Variants in EXT1 observed in about 807,000 individuals in gnomAD.
EXT1 encodes the protein exostosin glycosyltransferase 1, also known as exostosin-1.
EXT1 carries 20 observed loss-of-function variants against 82.5 expected under a neutral mutation model. The ratio of observed to expected loss-of-function variants is 0.24; its 90% CI spans 0.17 to 0.35. The LOEUF (loss-of-function observed/expected upper bound fraction) is 0.35, where lower values mean the gene tolerates loss of function less well. EXT1 is among the 10% of genes least tolerant of loss of function. The pLI, the probability that EXT1 is intolerant of heterozygous loss-of-function variation, is 1.00. For missense variants in EXT1, 757 were observed against 936.5 expected, an observed-to-expected ratio of 0.81 and a Z score of 2.50; for synonymous variants, 348 against 350.8, an observed-to-expected ratio of 0.99 and a Z score of 0.09.
intron 3 of EXT1, among the ~76,000 whole-genome samples, chr8:117,830,796 G>A (rs1054671357): frequency 3.9e-5 from 6 of 152,198 alleles, no homozygotes; most frequent in African/African-American, 1.4e-4. Context: ...GGACTTTTTA[G>A]AGAATGTCTA....
At position 118,064,007 on chromosome 8, in the gene EXT1, T is replaced by C. The variant is rs1231998015; in HGVS notation, c.962+46078A>G. Among the ~76,000 whole-genome samples, 3 of 152,074 alleles carry C rather than the reference T, an allele frequency of 2.0e-5. No individual in the cohort carries two copies. In the East Asian group the frequency reaches 5.8e-4, roughly 29 times the overall value. On this transcript the variant is annotated intron_variant, in intron 1 of 10. Transcript: ENST00000378204. ...TCAGCCGCCCGAGTAGGTGGTATTA[T>C]AGACATGTGCCACCATGCCCAGCTA...
chr8:117,887,777 T>C (rs1323536360), intron 1 of EXT1, among the ~76,000 whole-genome samples: 1 of 152,116 alleles, frequency 6.6e-6, no homozygotes, highest in Non-Finnish European at 1.5e-5. Context: ...ATAAGACTAT[T>C]ATATTTAAAT....
chr8:117,926,915 A>G (rs925813480), intron 1 of EXT1, among the ~76,000 whole-genome samples: 8 of 152,216 alleles, frequency 5.3e-5, no homozygotes, highest in African/African-American at 1.9e-4. Flanking sequence ...AACTAGCAAC[A>G]AAAGCCTTGA....
intron 1 of EXT1, among the ~76,000 whole-genome samples, chr8:117,958,464 AC>A (rs1814632863): frequency 6.6e-6 from 1 of 152,310 alleles, no homozygotes; most frequent in East Asian, 1.9e-4. Context: ...AACACCAAAA[AC>A]AATTGGATAA....
chr8:117,962,569 T>G (rs1382357445), intron 1 of EXT1, among the ~76,000 whole-genome samples: 1 of 152,030 alleles, frequency 6.6e-6, no homozygotes, highest in Non-Finnish European at 1.5e-5. Flanking sequence ...CTGGCCAACA[T>G]GGTGAAACGC....
intron 1 of EXT1, among the ~76,000 whole-genome samples, chr8:118,060,242 C>G (rs928948580): frequency 1.3e-5 from 2 of 152,176 alleles, no homozygotes; most frequent in African/African-American, 4.8e-5. Context: ...ATCCATTTAT[C>G]AACACATCTT....
At chr8:117,820,578 A>AC (rs11422284) in intron 5 of EXT1, among the ~76,000 whole-genome samples, 74,187 of 151,776 alleles carry the variant, frequency 0.49, 18,955 homozygotes, top group Admixed American at 0.59. Flanking sequence ...AGTCCCAGTT[A>AC]TCGGGAGGCT....
intron 1 of EXT1, among the ~76,000 whole-genome samples, chr8:118,088,236 TGAGAA>T (rs1251515355): frequency 1.3e-5 from 2 of 152,054 alleles, no homozygotes; most frequent in African/African-American, 4.8e-5. Flanking sequence ...AACTTGGAAG[TGAGAA>T]AACAAAACAA....
Position 117,835,570 on chromosome 8 carries a change from T to G in EXT1, c.1057-19A>C, listed in dbSNP as rs752492815. On this transcript the variant is annotated intron_variant, in intron 2 of 10. Transcript: ENST00000378204. ...AGGCAGCCTGAGCAAAAAAGGGGAC[T>G]TCGTGAATGTGAGGAAAGCGACAGC... is the stretch of plus-strand genomic sequence containing the variant. 1.3e-6 allele frequency: 2 copies of G among 1,574,868 alleles called. No individual in the cohort carries two copies. Among genetic ancestry groups the G allele is most frequent in the East Asian group, 2.2e-5 (1 of 44,726 alleles).
chr8:117,878,829 G>A (rs984304210), intron 1 of EXT1, among the ~76,000 whole-genome samples: 4 of 152,176 alleles, frequency 2.6e-5, no homozygotes, highest in African/African-American at 7.2e-5. Flanking sequence ...ATGCCAGTGG[G>A]CTGTGTTGCA....
Position 117,818,549 on chromosome 8 carries a change from A to C in EXT1, c.1537-19T>G. Reference sequence around the variant, plus strand: ...CTATGATCTGAAAGGGATGGGGCTCATTAGATGGCTGGGGTAGGATGTATT... The same window carrying C: ...CTATGATCTGAAAGGGATGGGGCTCCTTAGATGGCTGGGGTAGGATGTATT... On this transcript the variant is annotated intron_variant, in intron 6 of 10. Transcript: ENST00000378204. 3.1e-6 allele frequency: 5 copies of C among 1,589,222 alleles called. No homozygotes were observed. The highest frequency in any genetic ancestry group is 3.5e-6 in the Non-Finnish European group (4 of 1,157,360).
intron 1 of EXT1, among the ~76,000 whole-genome samples, chr8:117,837,891 G>A (rs1246502210): frequency 6.6e-6 from 1 of 151,770 alleles, no homozygotes; most frequent in Non-Finnish European, 1.5e-5. Flanking sequence ...AGGGGGTACA[G>A]GAAACTGGTC....
intron 1 of EXT1, among the ~76,000 whole-genome samples, chr8:117,954,524 C>T (rs1814552233): frequency 6.6e-6 from 1 of 152,152 alleles, no homozygotes; most frequent in African/African-American, 2.4e-5. Flanking sequence ...CCACTCTATT[C>T]GTTGTTATTT....
intron 1 of EXT1, among the ~76,000 whole-genome samples, chr8:118,037,926 C>A (rs1050411982): frequency 2.0e-5 from 3 of 150,810 alleles, no homozygotes; most frequent in Non-Finnish European, 2.9e-5. Context: ...CTGCAACCTC[C>A]GCCTCCCGAG....
In EXT1 at chr8:117,799,901, G is replaced by C; in HGVS notation, c.2056-4C>G. On this transcript the variant is annotated splice_polypyrimidine_tract_variant and splice_region_variant and intron_variant, in intron 10 of 10. Coordinates refer to ENST00000378204, the MANE Select transcript of EXT1 (RefSeq NM_000127.3). ...CCCAACGGGAAGCCCGAGAAGTCTA[G>C]GGAGAAGGAGAGAAACAAGGATAAT... is the stretch of plus-strand genomic sequence containing the variant. The C allele has an allele frequency of 3.1e-6, 5 of 1,613,808 alleles. No individual in the cohort carries two copies. Among genetic ancestry groups the C allele is most frequent in the Non-Finnish European group, 4.2e-6 (5 of 1,179,998 alleles).
At chr8:118,032,420 C>T (rs1816342110) in intron 1 of EXT1, among the ~76,000 whole-genome samples, 1 of 151,310 alleles carries the variant, frequency 6.6e-6, no homozygotes, top group Non-Finnish European at 1.5e-5. Context: ...TTTTCAGGGT[C>T]TGTGCTAATT....
chr8:117,988,218 T>C (rs1216370498), intron 1 of EXT1, among the ~76,000 whole-genome samples: 1 of 152,242 alleles, frequency 6.6e-6, no homozygotes, highest in Non-Finnish European at 1.5e-5. Context: ...TTTTGAGGAA[T>C]AATTCGGTTA....
intron 1 of EXT1, among the ~76,000 whole-genome samples, chr8:117,913,381 T>TAA (rs1483609625): frequency 6.6e-6 from 1 of 152,150 alleles, no homozygotes; most frequent in Non-Finnish European, 1.5e-5. Context: ...CCCCAGTATA[T>TAA]AGTGGCAGTT....
chr8:118,036,133 C>A (rs1816415370), intron 1 of EXT1, among the ~76,000 whole-genome samples: 1 of 150,838 alleles, frequency 6.6e-6, no homozygotes, highest in Non-Finnish European at 1.5e-5. Context: ...TTCCAACTCA[C>A]TCCTAGATTC....
Sources: gnomAD v4.1 joint callset for allele counts (sites outside exome capture counted in the v4.1 genomes callset) on GRCh38, gnomAD v4.1.1 for gene constraint, MANE v1.5 for transcripts, NCBI Gene and HGNC (gene_info 2026-07-23, HGNC 2026-07-21) for gene names.